The following ANKS1B variants were observed in gnomAD, a reference collection of about 807,000 sequenced individuals.
ANKS1B encodes the protein ankyrin repeat and sterile alpha motif domain-containing protein 1B.
Under a neutral mutation model 148.3 loss-of-function variants are expected in ANKS1B, and 36 were observed. The ratio of observed to expected loss-of-function variants is 0.24; its 90% CI spans 0.19 to 0.32. The LOEUF (loss-of-function observed/expected upper bound fraction) is 0.32, where lower values mean the gene tolerates loss of function less well. Among genes scored for constraint, ANKS1B ranks in the 10% least tolerant of loss-of-function variants. The probability of loss-of-function intolerance (pLI) is 1.00; values close to 1 mark genes in which losing one functional copy is unlikely to be tolerated. For synonymous variants in ANKS1B, 542 were observed against 560.8 expected (o/e 0.97, Z 0.47); for missense variants, 1,157 against 1,542.6 (o/e 0.75, Z 4.19).
intron 14 of ANKS1B, among the ~76,000 whole-genome samples, chr12:99,182,506 T>C (rs1474152558): frequency 6.6e-6 from 1 of 152,256 alleles, no homozygotes; most frequent in Non-Finnish European, 1.5e-5. Context: ...TCATTCTTTT[T>C]ATGGCTGAAT....
At chr12:98,795,501 A>G (rs1233930761) in intron 22 of ANKS1B, 1 of 371,150 alleles carries the variant, frequency 2.7e-6, no homozygotes, top group Non-Finnish European at 5.2e-6. Context: ...TTCCTGGTAG[A>G]ACAAACTTTA....
chr12:98,879,969 G>T (rs754251710), intron 17 of ANKS1B, among the ~76,000 whole-genome samples: 5 of 152,160 alleles, frequency 3.3e-5, no homozygotes, highest in Non-Finnish European at 5.9e-5. Context: ...TGATTACTGA[G>T]ATTCTTTGTT....
chr12:99,692,315 A>G (rs2098683508), intron 8 of ANKS1B, among the ~76,000 whole-genome samples: 1 of 152,166 alleles, frequency 6.6e-6, no homozygotes, highest in Admixed American at 6.5e-5. Flanking sequence ...GTGGTCAGAT[A>G]GCGGTCATAT....
chr12:99,225,171 C>T (rs1249370349), intron 14 of ANKS1B, among the ~76,000 whole-genome samples: 4 of 152,138 alleles, frequency 2.6e-5, no homozygotes, highest in Non-Finnish European at 4.4e-5. Flanking sequence ...CTAATGAAAG[C>T]ATTGTTCCAA....
intron 9 of ANKS1B, among the ~76,000 whole-genome samples, chr12:99,601,402 G>GAA (rs954271306): frequency 5.3e-5 from 8 of 151,752 alleles, no homozygotes; most frequent in Non-Finnish European, 1.2e-4. Context: ...ACATTGCCTG[G>GAA]AAAAAAACAG....
At chr12:99,650,667 T>C (rs934926720) in intron 9 of ANKS1B, among the ~76,000 whole-genome samples, 32 of 152,168 alleles carry the variant, frequency 2.1e-4, no homozygotes, top group African/African-American at 7.2e-4. Flanking sequence ...AATTTCAATC[T>C]AGTTACAATG....
At chr12:98,862,054 G>A (rs1189112122) in intron 17 of ANKS1B, among the ~76,000 whole-genome samples, 1 of 152,124 alleles carries the variant, frequency 6.6e-6, no homozygotes, top group African/African-American at 2.4e-5. Context: ...TGATTTTAGA[G>A]TGACAGATTT....
At chr12:99,270,375 C>T (rs775276938) in intron 12 of ANKS1B, among the ~76,000 whole-genome samples, 21 of 152,192 alleles carry the variant, frequency 1.4e-4, no homozygotes, top group Admixed American at 6.5e-4. Flanking sequence ...CTCACCCCAC[C>T]TACTACTCAC....
At chr12:98,773,419 G>A (rs1165067145) in intron 24 of ANKS1B, among the ~76,000 whole-genome samples, 5 of 152,144 alleles carry the variant, frequency 3.3e-5, no homozygotes, top group Admixed American at 3.3e-4. Context: ...GTTCTCACCA[G>A]TTGCTGTGCA....
intron 1 of ANKS1B, among the ~76,000 whole-genome samples, chr12:99,945,338 G>A (rs1038709644): frequency 1.7e-4 from 22 of 131,506 alleles, no homozygotes; most frequent in South Asian, 1.2e-3. Context: ...CAAGCTTGGC[G>A]TGTTTGTAAA....
At chr12:99,754,086 A>C (rs2061356168) in intron 8 of ANKS1B, among the ~76,000 whole-genome samples, 1 of 152,068 alleles carries the variant, frequency 6.6e-6, no homozygotes, top group Non-Finnish European at 1.5e-5. Flanking sequence ...ACCAAGATCC[A>C]TTGGTATGCT....
At chr12:99,221,209 G>A (rs1233383245) in intron 14 of ANKS1B, among the ~76,000 whole-genome samples, 15 of 151,940 alleles carry the variant, frequency 9.9e-5, no homozygotes, top group African/African-American at 2.2e-4. Context: ...GCATGGTGGC[G>A]GGCACCTGTA....
chr12:99,226,604 T>A (rs578033327), intron 14 of ANKS1B, among the ~76,000 whole-genome samples: 1 of 152,228 alleles, frequency 6.6e-6, no homozygotes, highest in Non-Finnish European at 1.5e-5. Context: ...ACAAACGTAT[T>A]CATTTTCCTA....
intron 8 of ANKS1B, among the ~76,000 whole-genome samples, chr12:99,771,749 T>C (rs1186354655): frequency 6.6e-6 from 1 of 152,094 alleles, no homozygotes; most frequent in African/African-American, 2.4e-5. Flanking sequence ...AGGATGTTTT[T>C]ACAAAAGAGA....
chr12:98,770,598 C>T (rs946903519), intron 25 of ANKS1B, among the ~76,000 whole-genome samples: 5 of 151,874 alleles, frequency 3.3e-5, no homozygotes, highest in African/African-American at 1.2e-4. Context: ...CCTCAAGCCT[C>T]CCCAAATGGA....
In ANKS1B at chr12:98,889,352, T is replaced by TA. The variant is rs1555466947; in HGVS notation, c.2779-57217_2779-57216insT. Among the ~76,000 whole-genome samples, 6 of 124,028 alleles carry TA rather than the reference T, an allele frequency of 4.8e-5. No homozygotes were observed. The East Asian group carries it at 3.0e-3, about 61-fold the overall frequency. The allele number at this position is 124,028 out of a possible 152,430, so 81.4% of individuals were successfully genotyped here. On this transcript the variant is annotated intron_variant, in intron 17 of 26. Coordinates refer to ENST00000683438, the MANE Select transcript of ANKS1B (RefSeq NM_001352186.2). ...AAGGGAACGTCAGAACCTTTTTTAT[T>TA]TTTTTTTTTTTTGAGACAGTGTTTC... is the stretch of plus-strand genomic sequence containing the variant.
At chr12:99,554,301 G>T (rs1329712493) in intron 9 of ANKS1B, among the ~76,000 whole-genome samples, 1 of 152,172 alleles carries the variant, frequency 6.6e-6, no homozygotes, top group Non-Finnish European at 1.5e-5. Context: ...AGAGTGAGAG[G>T]AATAAGGAAG....
At chr12:99,217,496 C>A (rs1356554216) in intron 14 of ANKS1B, among the ~76,000 whole-genome samples, 1 of 152,102 alleles carries the variant, frequency 6.6e-6, no homozygotes, top group African/African-American at 2.4e-5. Context: ...CTCTTAAGAT[C>A]CTCAGCTTCC....
At chr12:99,893,158 C>T (rs2093202905) in intron 1 of ANKS1B, among the ~76,000 whole-genome samples, 1 of 152,078 alleles carries the variant, frequency 6.6e-6, no homozygotes, top group African/African-American at 2.4e-5. Context: ...CAACTGTAAT[C>T]CTAGCACTTT....
Sources: gnomAD v4.1 joint callset for allele counts (sites outside exome capture counted in the v4.1 genomes callset) on GRCh38, gnomAD v4.1.1 for gene constraint, MANE v1.5 for transcripts, NCBI Gene and HGNC (gene_info 2026-07-23, HGNC 2026-07-21) for gene names.